Variants in TMEM182 observed in about 807,000 individuals in gnomAD.
The protein encoded by TMEM182 is transmembrane protein 182.
In TMEM182, 20 loss-of-function variants were observed where a neutral mutation model predicts 26.8. That is an observed-to-expected ratio of 0.75 (90% confidence interval 0.53 to 1.09). TMEM182 has a LOEUF of 1.09. TMEM182 is among the 50% of genes least tolerant of loss of function. TMEM182 has a pLI of 0.00. For synonymous variants in TMEM182, 109 were observed against 102.2 expected (o/e 1.07, Z -0.40); for missense variants, 277 against 275.5 (o/e 1.01, Z -0.04).
At chr2:102,764,475 C>A in intron 3 of TMEM182, 48 bp downstream of exon 3, 1 of 1,504,422 alleles carries the variant, frequency 6.6e-7, no homozygotes, top group South Asian at 1.2e-5. Context: ...TCTTATCTTT[C>A]TGAAGGATGC....
At chr2:102,745,772 T>A (rs542043919) in intron 1 of TMEM182, among the ~76,000 whole-genome samples, 150 of 152,308 alleles carry the variant, frequency 9.8e-4, no homozygotes, top group South Asian at 3.1e-3. Flanking sequence ...CAGCATGATT[T>A]CAGGGTTCAT....
At position 102,815,129 on chromosome 2, in the gene TMEM182, TA is replaced by T; in HGVS notation, c.*162del. 1 of 1,433,958 alleles carries T rather than the reference TA, an allele frequency of 7.0e-7. No individual in the cohort carries two copies. Among genetic ancestry groups the T allele is most frequent in the Non-Finnish European group, 9.1e-7 (1 of 1,102,202 alleles). The allele number at this position is 1,433,958 out of a possible 1,614,324, so 88.8% of individuals were successfully genotyped here. On this transcript the variant is annotated 3_prime_UTR_variant, in exon 5 of 5. Transcript: ENST00000412401. Reference sequence around the variant, plus strand: ...AAAATTTTCTTCAGTAAGAAGGTCCTAGAATCTCTCCAGACACCAGCAAGCC... The same window carrying T: ...AAAATTTTCTTCAGTAAGAAGGTCCTGAATCTCTCCAGACACCAGCAAGCC...
intron 1 of TMEM182, among the ~76,000 whole-genome samples, chr2:102,746,729 C>T (rs907902610): frequency 6.6e-6 from 1 of 152,108 alleles, no homozygotes; most frequent in African/African-American, 2.4e-5. Flanking sequence ...GCTGGGATTA[C>T]AGGCAGCCAC....
intron 3 of TMEM182, among the ~76,000 whole-genome samples, chr2:102,781,786 C>T (rs1196153088): frequency 3.3e-5 from 5 of 152,092 alleles, no homozygotes; most frequent in East Asian, 1.9e-4. Flanking sequence ...AAACATTTGA[C>T]GTAAGGTTTT....
downstream of TMEM182, among the ~76,000 whole-genome samples, chr2:102,821,162 C>T (rs1217300611): frequency 6.6e-6 from 1 of 152,162 alleles, no homozygotes; most frequent in East Asian, 1.9e-4. Flanking sequence ...AGACTCAACA[C>T]CCTTGAACAT....
chr2:102,814,998 G>C lies in TMEM182; in HGVS notation c.*30G>C. 6.2e-7 allele frequency: 1 copy of C among 1,609,486 alleles called. No individual in the cohort carries two copies. Among genetic ancestry groups the C allele is most frequent in the Non-Finnish European group, 8.5e-7 (1 of 1,177,922 alleles). On this transcript the variant is annotated 3_prime_UTR_variant, in exon 5 of 5. Transcript: ENST00000412401. ...ACTGTTGCCACAAGTATTTTCTTGA[G>C]AGATTTTAAAACAAGGAATACTTTT... is the stretch of plus-strand genomic sequence containing the variant.
chr2:102,842,507 C>T (rs1202050095), intron 3 of TMEM182, among the ~76,000 whole-genome samples: 1 of 152,058 alleles, frequency 6.6e-6, no homozygotes, highest in Admixed American at 6.5e-5. Context: ...AATTCCAGGG[C>T]TCCACCTAGA....
At chr2:102,762,802 G>C (rs1680272371) in intron 2 of TMEM182, 116 bp downstream of exon 2, 1 of 754,654 alleles carries the variant, frequency 1.3e-6, no homozygotes, top group East Asian at 2.8e-5. Context: ...ATCTCAATTA[G>C]ATGTCTTTAA....
chr2:102,792,286 A>G (rs1415603805), intron 3 of TMEM182, among the ~76,000 whole-genome samples: 2 of 152,200 alleles, frequency 1.3e-5, no homozygotes, highest in Non-Finnish European at 2.9e-5. Flanking sequence ...CATAGCAAAT[A>G]TACTTGAGTG....
Position 102,764,433 on chromosome 2 carries a change from T to C in TMEM182, c.331+6T>C. The C allele has an allele frequency of 6.2e-7, 1 of 1,612,698 alleles. No individual in the cohort carries two copies. Among genetic ancestry groups the C allele is most frequent in the Non-Finnish European group, 8.5e-7 (1 of 1,178,930 alleles). On this transcript the variant is annotated splice_donor_region_variant and intron_variant, in intron 3 of 4. Transcript: ENST00000412401. ...CTCCTATGACTCTGCAGTTAGTAAG[T>C]ACCCTCTGTCCTCAGCCTACTTCTA...
intron 3 of TMEM182, among the ~76,000 whole-genome samples, chr2:102,780,015 T>A (rs116198978): frequency 0.013 from 1,935 of 152,030 alleles, 44 homozygotes; most frequent in African/African-American, 0.044. Flanking sequence ...GGAAAAAAAA[T>A]TTGGCTCAAG....
chr2:102,775,090 T>A (rs1573518391), intron 3 of TMEM182: 1 of 152,326 alleles, frequency 6.6e-6, no homozygotes, highest in East Asian at 1.9e-4. Context: ...ATGTTCAATC[T>A]TCTAATTCAT....
At chr2:102,793,909 A>G (rs1165647039) in intron 3 of TMEM182, among the ~76,000 whole-genome samples, 1 of 152,130 alleles carries the variant, frequency 6.6e-6, no homozygotes, top group Non-Finnish European at 1.5e-5. Context: ...CTTGATAATA[A>G]TAGCAATAAA....
Position 102,797,941 on chromosome 2 carries a change from C to T in TMEM182, c.410C>T (p.Ala137Val), listed in dbSNP as rs538893126. Residue 137 changes from alanine to valine, a missense_variant, in exon 4 of 5, where the codon GCA (alanine) becomes GTA (valine). Coordinates refer to ENST00000412401, the MANE Select transcript of TMEM182 (RefSeq NM_144632.5). ...ATCGCAAGCTTTTTGATCATCTGTG[C>T]AGCCCCCTTCGCCAGCCATTTTCTC... ...VVIASFLIICAAPFASHFLYK... is the reference protein window; with the variant it reads ...VVIASFLIICVAPFASHFLYK... The T allele has an allele frequency of 3.1e-6, 5 of 1,614,092 alleles. No homozygotes were observed. The highest frequency in any genetic ancestry group is 1.3e-5 in the African/African-American group (1 of 75,002).
chr2:102,783,995 T>C (rs1324033557), intron 3 of TMEM182, among the ~76,000 whole-genome samples: 2 of 152,046 alleles, frequency 1.3e-5, no homozygotes, highest in Non-Finnish European at 2.9e-5. Flanking sequence ...TCGTATGTGG[T>C]TCACATTCCA....
At chr2:102,757,834 T>C (rs1680091221), upstream of TMEM182, among the ~76,000 whole-genome samples, 1 of 152,182 alleles carries the variant, frequency 6.6e-6, no homozygotes, top group African/African-American at 2.4e-5. Context: ...AAACTTAGAA[T>C]CTTGGCGGAA....
intron 1 of TMEM182, among the ~76,000 whole-genome samples, chr2:102,742,247 T>A (rs1420784704): frequency 2.6e-5 from 4 of 152,140 alleles, no homozygotes; most frequent in Non-Finnish European, 4.4e-5. Context: ...TGAAAATTGC[T>A]TTTGATGGAC....
intron 3 of TMEM182, among the ~76,000 whole-genome samples, chr2:102,786,850 G>C (rs1040791608): frequency 2.6e-5 from 4 of 152,040 alleles, no homozygotes; most frequent in Non-Finnish European, 5.9e-5. Flanking sequence ...ACTGAGTCCC[G>C]GACACTCACA....
chr2:102,786,223 T>C (rs1558771137), intron 3 of TMEM182, among the ~76,000 whole-genome samples: 1 of 147,352 alleles, frequency 6.8e-6, no homozygotes, highest in Non-Finnish European at 1.5e-5. Flanking sequence ...TTTTTTTTTT[T>C]TTTTTTTTTG....
Sources: allele counts gnomAD v4.1 joint callset (sites outside exome capture counted in the v4.1 genomes callset), GRCh38; gene constraint gnomAD v4.1.1; transcripts MANE v1.5; gene names NCBI Gene and HGNC (gene_info 2026-07-23, HGNC 2026-07-21).